RTL4: variants seen among roughly 807,000 people sequenced by gnomAD.
The protein encoded by RTL4 is retrotransposon Gag-like protein 4.
A neutral mutation model predicts 5.3 loss-of-function variants in RTL4; 4 were observed. The ratio of observed to expected loss-of-function variants is 0.75; its 90% CI spans 0.37 to 1.72. RTL4 has a LOEUF of 1.72. RTL4 is among the 40% of genes most tolerant of loss of function. The pLI is 0.04. For missense variants in RTL4, 260 were observed against 227.1 expected, an observed-to-expected ratio of 1.14 and a Z score of -0.93; for synonymous variants, 98 against 87.3, an observed-to-expected ratio of 1.12 and a Z score of -0.68.
the RTL4 span, among the ~76,000 whole-genome samples, chrX:112,172,633 T>C: frequency 9.0e-6 from 1 of 111,039 alleles, no homozygotes; most frequent in Admixed American, 9.6e-5. Flanking sequence ...GAAATACTAT[T>C]TGGCCCAGCA....
At chrX:112,177,463 A>T in the RTL4 span, among the ~76,000 whole-genome samples, 2 of 109,040 alleles carry the variant, frequency 1.8e-5, no homozygotes, top group Admixed American at 2.0e-4. Flanking sequence ...TTGGCAATTT[A>T]TATGTCTTCT....
At chrX:112,431,255 GA>G in the RTL4 span, among the ~76,000 whole-genome samples, 3 of 105,748 alleles carry the variant, frequency 2.8e-5, no homozygotes, top group South Asian at 4.2e-4. Context: ...AGGCTCTGGT[GA>G]AAAAAAAAAG....
the RTL4 span, among the ~76,000 whole-genome samples, chrX:112,259,513 A>G: frequency 5.5e-5 from 6 of 110,015 alleles, no homozygotes; most frequent in East Asian, 8.8e-4. Flanking sequence ...AAGTAATTGC[A>G]TTTTTGCCAT....
chrX:112,227,875 C>T, the RTL4 span, among the ~76,000 whole-genome samples: 1 of 110,668 alleles, frequency 9.0e-6, no homozygotes, highest in African/African-American at 3.3e-5. Flanking sequence ...GTCAACTTGG[C>T]CCTTCAAAAA....
At chrX:112,421,855 C>T in the RTL4 span, among the ~76,000 whole-genome samples, 5 of 112,576 alleles carry the variant, frequency 4.4e-5, no homozygotes, top group Non-Finnish European at 9.4e-5. Context: ...CTTCTATTTA[C>T]GTGTTATCCA....
At chrX:112,289,829 A>G in the RTL4 span, among the ~76,000 whole-genome samples, 1 of 110,962 alleles carries the variant, frequency 9.0e-6, no homozygotes, top group South Asian at 3.8e-4. Flanking sequence ...TAGTCTTTTC[A>G]TCTTTACCAC....
chrX:112,442,121 G>GTACT, the RTL4 span, among the ~76,000 whole-genome samples: 1 of 111,810 alleles, frequency 8.9e-6, no homozygotes, highest in Non-Finnish European at 1.9e-5. Flanking sequence ...GGGTGTGGAG[G>GTACT]TACTTACTGC....
the RTL4 span, among the ~76,000 whole-genome samples, chrX:112,278,161 T>C: frequency 1.9e-3 from 211 of 112,602 alleles, 1 homozygote; most frequent in African/African-American, 6.4e-3. Context: ...TTTAATTGTC[T>C]TATCGGACAT....
the RTL4 span, among the ~76,000 whole-genome samples, chrX:112,313,774 G>T: frequency 1.8e-5 from 2 of 110,190 alleles, no homozygotes; most frequent in Non-Finnish European, 3.8e-5. Context: ...AGAGGAAGGA[G>T]AGGAGTGATT....
the RTL4 span, among the ~76,000 whole-genome samples, chrX:112,142,580 C>T: frequency 1.8e-5 from 2 of 111,709 alleles, no homozygotes; most frequent in Non-Finnish European, 3.8e-5. Context: ...ATGCCCAAAG[C>T]AGGGTTCTGA....
At chrX:112,411,382 C>G in the RTL4 span, among the ~76,000 whole-genome samples, 3 of 111,229 alleles carry the variant, frequency 2.7e-5, no homozygotes, top group Non-Finnish European at 5.7e-5. Flanking sequence ...ATAACAAAAC[C>G]AGACAAAGAC....
chrX:112,356,582 GT>G, the RTL4 span, among the ~76,000 whole-genome samples: 165 of 71,825 alleles, frequency 2.3e-3, 1 homozygote, highest in African/African-American at 6.3e-3. Flanking sequence ...GTTTTGGGGT[GT>G]GTGTGTGTGT....
At chrX:112,353,469 G>A in the RTL4 span, among the ~76,000 whole-genome samples, 2 of 111,375 alleles carry the variant, frequency 1.8e-5, no homozygotes, top group Admixed American at 9.5e-5. Flanking sequence ...TTAAGAAAAT[G>A]TGGCACATAT....
chrX:112,293,216 CT>C, the RTL4 span, among the ~76,000 whole-genome samples: 1 of 112,553 alleles, frequency 8.9e-6, no homozygotes, highest in Non-Finnish European at 1.9e-5. Context: ...GTTAGCAGTA[CT>C]TTCATCTTCC....
the RTL4 span, among the ~76,000 whole-genome samples, chrX:112,299,248 T>C: frequency 8.9e-6 from 1 of 112,099 alleles, no homozygotes; most frequent in East Asian, 2.8e-4. Context: ...TCTTTGCTTC[T>C]GGCCATGAGC....
the RTL4 span, among the ~76,000 whole-genome samples, chrX:112,091,110 A>C: frequency 9.1e-6 from 1 of 110,332 alleles, no homozygotes; most frequent in Non-Finnish European, 1.9e-5. Flanking sequence ...CCCCACTTTC[A>C]TTTCTGATTT....
At chrX:112,292,201 T>C in the RTL4 span, among the ~76,000 whole-genome samples, 1 of 111,959 alleles carries the variant, frequency 8.9e-6, no homozygotes, top group Non-Finnish European at 1.9e-5. Context: ...AATGTGTTTG[T>C]CACTTCTGAT....
the RTL4 span, among the ~76,000 whole-genome samples, chrX:112,090,728 T>C: frequency 9.0e-6 from 1 of 111,168 alleles, no homozygotes; most frequent in Non-Finnish European, 1.9e-5. Context: ...GCTATCTTGG[T>C]CTGGCTTTGG....
the RTL4 span, among the ~76,000 whole-genome samples, chrX:112,309,850 A>G: frequency 9.4e-6 from 1 of 106,308 alleles, no homozygotes; most frequent in East Asian, 3.0e-4. Context: ...GTATACACAT[A>G]TATACACACA....
Sources: gnomAD v4.1 joint callset for allele counts (sites outside exome capture counted in the v4.1 genomes callset) on GRCh38, gnomAD v4.1.1 for gene constraint, MANE v1.5 for transcripts, NCBI Gene and HGNC (gene_info 2026-07-23, HGNC 2026-07-21) for gene names.